Variants in ATF3 observed in about 807,000 individuals in gnomAD.
ATF3 encodes the protein activating transcription factor 3.
Under a neutral mutation model 18.4 loss-of-function variants are expected in ATF3, and 10 were observed. The ratio of observed to expected loss-of-function variants is 0.54; its 90% CI spans 0.34 to 0.92. The LOEUF is 0.92. Among genes scored for constraint, ATF3 ranks in the 40% least tolerant of loss-of-function variants. The probability of loss-of-function intolerance (pLI) is 0.02; values close to 1 mark genes in which losing one functional copy is unlikely to be tolerated. For synonymous variants in ATF3, 78 were observed against 87.9 expected (o/e 0.89, Z 0.63); for missense variants, 183 against 222.3 (o/e 0.82, Z 1.12).
At chr1:212,617,197 C>A (rs1454516735) in intron 2 of ATF3, among the ~76,000 whole-genome samples, 1 of 152,200 alleles carries the variant, frequency 6.6e-6, no homozygotes, top group Non-Finnish European at 1.5e-5. Flanking sequence ...AGGCAGCCTG[C>A]CCCACCCTTC....
intron 1 of ATF3, among the ~76,000 whole-genome samples, chr1:212,592,624 C>T (rs537982717): frequency 2.2e-3 from 329 of 151,956 alleles, no homozygotes; most frequent in South Asian, 3.5e-3. Flanking sequence ...CTGATTACAT[C>T]CTCAGCATTG....
chr1:212,607,354 G>A (rs1654665412), upstream of ATF3, among the ~76,000 whole-genome samples: 1 of 152,218 alleles, frequency 6.6e-6, no homozygotes, highest in South Asian at 2.1e-4. Flanking sequence ...CTCCCTCCCA[G>A]GCAGGTGCGA....
upstream of ATF3, among the ~76,000 whole-genome samples, chr1:212,604,547 CTG>C (rs923449334): frequency 1.1e-4 from 17 of 152,138 alleles, no homozygotes; most frequent in Admixed American, 9.2e-4. Context: ...GAAGGACAGG[CTG>C]TGTTTAAGTT....
rs772073616 is a variant in ATF3 at position 212,619,440 on chromosome 1, A to T, written c.431A>T (p.Tyr144Phe). The change falls in exon 4 of 4, where the codon TAC (tyrosine) becomes TTC (phenylalanine). Residue 144 changes from tyrosine (Y) to phenylalanine (F), a missense_variant. Physicochemically the swap from Tyr to Phe is conservative, Grantham distance 22 (BLOSUM62 3). Coordinates refer to ENST00000341491, the MANE Select transcript of ATF3 (RefSeq NM_001674.4). The surrounding 1 kb of genome is among the most constrained non-coding windows in gnomAD (Gnocchi z 4.4). ...AAGAACGAGAAGCAGCATTTGATAT[A>T]CATGCTCAACCTTCATCGGCCCACG... ...ELKNEKQHLI[Y>F]MLNLHRPTCI... The T allele has an allele frequency of 6.2e-7, 1 of 1,614,132 alleles. No individual in the cohort carries two copies. Among genetic ancestry groups the T allele is most frequent in the Non-Finnish European group, 8.5e-7 (1 of 1,180,026 alleles).
chr1:212,589,797 G>A (rs1218922519), intron 1 of ATF3, among the ~76,000 whole-genome samples: 1 of 134,434 alleles, frequency 7.4e-6, no homozygotes, highest in African/African-American at 2.9e-5. Context: ...CTGACTCTTG[G>A]TCAACTTTTT....
intron 1 of ATF3, among the ~76,000 whole-genome samples, chr1:212,610,594 G>A (rs1558237931): frequency 6.6e-6 from 1 of 152,186 alleles, no homozygotes; most frequent in Non-Finnish European, 1.5e-5. Context: ...AGCATCTGTG[G>A]CAGTGATGGG....
chr1:212,620,100 C>T lies in ATF3; in HGVS notation c.*545C>T, dbSNP rs1655316993. 1 of 169,782 alleles carries T rather than the reference C, an allele frequency of 5.9e-6. No homozygotes were observed. The highest frequency in any genetic ancestry group is 5.5e-5 in the Admixed American group (1 of 18,114). The allele number at this position is 169,782 out of a possible 1,614,324, so 10.5% of individuals were successfully genotyped here. On this transcript the variant is annotated 3_prime_UTR_variant, in exon 4 of 4. Coordinates refer to ENST00000341491, the MANE Select transcript of ATF3 (RefSeq NM_001674.4). ...ATGTACTCTTCCGATGTTTGTGTCA[C>T]ACAACACTGATGTGACTTTTATATG... is the stretch of plus-strand genomic sequence containing the variant.
At chr1:212,609,430 C>T (rs1558237456) in intron 1 of ATF3, among the ~76,000 whole-genome samples, 1 of 151,938 alleles carries the variant, frequency 6.6e-6, no homozygotes, top group East Asian at 1.9e-4. Context: ...GGAGGGCTGC[C>T]CCACGCGCCG....
intron 1 of ATF3, among the ~76,000 whole-genome samples, chr1:212,583,560 GA>G (rs572190906): frequency 6.1e-5 from 9 of 148,634 alleles, no homozygotes; most frequent in Non-Finnish European, 1.1e-4. Flanking sequence ...CAAGAGGAGG[GA>G]ATATTTTATT....
At chr1:212,572,422 CAG>C (rs138203798) in intron 1 of ATF3, among the ~76,000 whole-genome samples, 78,903 of 151,796 alleles carry the variant, frequency 0.52, 20,481 homozygotes, top group Admixed American at 0.56. Flanking sequence ...GAGGCTGAGG[CAG>C]AGAAGGATGG....
intron 1 of ATF3, among the ~76,000 whole-genome samples, chr1:212,593,512 G>A (rs1458856139): frequency 1.3e-5 from 2 of 151,954 alleles, no homozygotes; most frequent in African/African-American, 4.8e-5. Flanking sequence ...AAGTGGGAGG[G>A]TGGCTTGAGC....
chr1:212,578,862 C>T (rs2102625427), intron 1 of ATF3, among the ~76,000 whole-genome samples: 1 of 152,202 alleles, frequency 6.6e-6, no homozygotes, highest in Middle Eastern at 3.4e-3. Context: ...GGGGGCATTT[C>T]AGGGTTACTG....
In ATF3 at chr1:212,577,606, C is replaced by T. The variant is rs553135159; in HGVS notation, c.-5+12123C>T. ...CACCACGGCCTCAGCTCTCGGTAAC[C>T]ACCATTCTGCTCTCTGCTTCTGTAA... On this transcript the variant is annotated intron_variant, in intron 1 of 3. Coordinates refer to the ATF3 transcript ENST00000366981. 3.3e-5 allele frequency among the ~76,000 whole-genome samples: 5 copies of T among 151,838 alleles called. No individual in the cohort carries two copies. The South Asian group carries it at 1.1e-3, about 32-fold the overall frequency.
intron 1 of ATF3, among the ~76,000 whole-genome samples, chr1:212,586,049 G>A (rs948320800): frequency 6.6e-6 from 1 of 152,164 alleles, no homozygotes; most frequent in Non-Finnish European, 1.5e-5. Context: ...TCAACCCTCT[G>A]GGGTCCTGCC....
upstream of ATF3, among the ~76,000 whole-genome samples, chr1:212,604,061 A>T (rs192916190): frequency 2.5e-3 from 376 of 152,328 alleles, 5 homozygotes; most frequent in Middle Eastern, 0.014. Context: ...CAAAAAAATT[A>T]TAGTAAAACT....
intron 1 of ATF3, among the ~76,000 whole-genome samples, chr1:212,586,482 G>C (rs1571765474): frequency 6.6e-6 from 1 of 152,196 alleles, no homozygotes; most frequent in East Asian, 1.9e-4. Flanking sequence ...GCAATGCCTG[G>C]CATGCAGTGA....
chr1:212,598,175 C>T lies in ATF3; in HGVS notation c.-4-16843C>T, dbSNP rs1012091080. 2.0e-5 allele frequency among the ~76,000 whole-genome samples: 3 copies of T among 152,148 alleles called. No homozygotes were observed. The South Asian group carries it at 6.2e-4, about 32-fold the overall frequency. ...TAAGTAGAAGAGAAAAAAAGTTACCCACCCATACTTCCAACAACTAAATAC... is the reference window on the plus strand; with the variant it reads ...TAAGTAGAAGAGAAAAAAAGTTACCTACCCATACTTCCAACAACTAAATAC... On this transcript the variant is annotated intron_variant, in intron 1 of 3. Coordinates refer to the ATF3 transcript ENST00000366981.
Position 212,618,888 on chromosome 1 carries a change from A to G in ATF3, c.349-470A>G, listed in dbSNP as rs758655143. ...ATGACAGAGTCTTAGCCCAAGTCCC[A>G]CAGATCCCCAAAAGTTCTGTTGATT... On this transcript the variant is annotated intron_variant, in intron 3 of 3. Transcript: ENST00000341491. This position sits in a 1 kb window ranked among gnomAD's most constrained non-coding sequence, Gnocchi z 4.4. The G allele has an allele frequency of 2.0e-5, 19 of 935,480 alleles. No individual in the cohort carries two copies. The highest frequency in any genetic ancestry group is 3.1e-5 in the Non-Finnish European group (19 of 603,798). 57.9% of individuals were successfully genotyped at this position (935,480 alleles called of 1,614,324 possible).
intron 1 of ATF3, among the ~76,000 whole-genome samples, chr1:212,567,879 G>T (rs1048501577): frequency 6.6e-6 from 1 of 152,138 alleles, no homozygotes; most frequent in African/African-American, 2.4e-5. Context: ...TAGACCTCAG[G>T]AGAGAAAAAC....
Sources: allele counts gnomAD v4.1 joint callset (sites outside exome capture counted in the v4.1 genomes callset), GRCh38; gene constraint gnomAD v4.1.1; non-coding constraint Gnocchi (gnomAD v3.1); transcripts MANE v1.5; gene names NCBI Gene and HGNC (gene_info 2026-07-23, HGNC 2026-07-21).